ERMP1: variants seen among roughly 807,000 people sequenced by gnomAD.
The protein encoded by ERMP1 is Felix-ina.
ERMP1 carries 86 observed loss-of-function variants against 92.0 expected under a neutral mutation model. The observed-to-expected ratio is 0.93, with a 90% confidence interval of 0.79 to 1.12. ERMP1 has a LOEUF of 1.12. ERMP1 is among the 50% of genes most tolerant of loss of function. The pLI, the probability that ERMP1 is intolerant of heterozygous loss-of-function variation, is 0.00. For synonymous variants in ERMP1, 530 were observed against 412.8 expected, an observed-to-expected ratio of 1.28 and a Z score of -3.44; for missense variants, 1,342 against 1,116.3, an observed-to-expected ratio of 1.20 and a Z score of -2.88.
chr9:5,821,423 G>C (rs997606162), intron 4 of ERMP1, among the ~76,000 whole-genome samples: 3 of 152,074 alleles, frequency 2.0e-5, no homozygotes, highest in African/African-American at 7.2e-5. Context: ...ATTATTTTTA[G>C]AATTTATGCA....
chr9:5,833,094 G>T lies in ERMP1; in HGVS notation c.-67C>A, dbSNP rs747248423. The T allele has an allele frequency of 4.5e-6, 6 of 1,321,586 alleles. No individual in the cohort carries two copies. In the East Asian group the frequency reaches 1.5e-4, roughly 33 times the overall value. The allele number at this position is 1,321,586 out of a possible 1,614,324, so 81.9% of individuals were successfully genotyped here. ...GACAGCCCCGGCCGCCGCCGACGCC[G>T]CCGTCGCTGCCGCAGCGCCTCCTAG... On this transcript the variant is annotated 5_prime_UTR_variant, in exon 1 of 15. Transcript: ENST00000339450.
intron 2 of ERMP1, among the ~76,000 whole-genome samples, chr9:5,829,018 CG>C (rs1208665320): frequency 6.6e-6 from 1 of 151,822 alleles, no homozygotes; most frequent in African/African-American, 2.4e-5. Context: ...CTGAGGTAGG[CG>C]GATCACTTGA....
chr9:5,797,923 C>G lies in ERMP1; in HGVS notation c.2280G>C (p.Trp760Cys), dbSNP rs146300402. 2 of 1,604,750 alleles carry G rather than the reference C, an allele frequency of 1.2e-6. No homozygotes were observed. Among genetic ancestry groups the G allele is most frequent in the Non-Finnish European group, 1.7e-6 (2 of 1,172,788 alleles). ...LPVHFLIRKN[W>C]YLPAPEVSPR... ...GAGAAACTTCTGGGGCAGGAAGATA[C>G]CAGTTTTTCCTATTTAGAAAGGAAG... Residue 760 changes from tryptophan to cysteine, a missense_variant, in exon 13 of 15, where the codon TGG becomes TGC. Coordinates refer to ENST00000339450, the MANE Select transcript of ERMP1 (RefSeq NM_024896.3).
Position 5,805,013 on chromosome 9 carries a change from T to G in ERMP1, c.1914+14A>C, listed in dbSNP as rs1354305223. On this transcript the variant is annotated intron_variant, in intron 10 of 14. Coordinates refer to ENST00000339450, the MANE Select transcript of ERMP1 (RefSeq NM_024896.3). ...AAAAAATGAAGAAAAAGAAAAAAAC[T>G]TATTTTCTCTTACAAAATAGGACGA... is the stretch of plus-strand genomic sequence containing the variant. 3.8e-6 allele frequency: 6 copies of G among 1,579,878 alleles called. No homozygotes were observed. The highest frequency in any genetic ancestry group is 5.1e-6 in the Non-Finnish European group (6 of 1,166,992).
At chr9:5,824,960 T>C (rs899075536) in intron 3 of ERMP1, 132 bp downstream of exon 3, 1 of 837,202 alleles carries the variant, frequency 1.2e-6, no homozygotes, top group Non-Finnish European at 1.8e-6. Flanking sequence ...CATAAAGTAT[T>C]TTTCTGCATA....
At position 5,787,043 on chromosome 9, in the gene ERMP1, T is replaced by C. The variant is rs1028650448; in HGVS notation, c.*101A>G. 1.7e-6 allele frequency: 2 copies of C among 1,210,382 alleles called. No homozygotes were observed. 75.0% of individuals were successfully genotyped at this position (1,210,382 alleles called of 1,614,324 possible). ...GAAAGCTCTTTGAACATATGATCAT[T>C]AAAATTCATTGACTTACGTTACAAA... On this transcript the variant is annotated 3_prime_UTR_variant, in exon 15 of 15. Coordinates refer to ENST00000339450, the MANE Select transcript of ERMP1 (RefSeq NM_024896.3).
intron 5 of ERMP1, among the ~76,000 whole-genome samples, chr9:5,861,314 T>C (rs1316484519): frequency 1.3e-5 from 2 of 151,908 alleles, no homozygotes; most frequent in African/African-American, 4.8e-5. Flanking sequence ...GCCTTAGCTG[T>C]GCTGAATTTG....
rs33978241 is a variant in ERMP1, at chr9:5,852,252, G to GTT, written n.3199+7214_3199+7215dup. Among the ~76,000 whole-genome samples the GTT allele has an allele frequency of 4.5e-3, 674 of 149,358 alleles. 2 individuals are homozygous for GTT. Among genetic ancestry groups the GTT allele is most frequent in the African/African-American group, 0.011 (453 of 40,568 alleles). Reference sequence around the variant, plus strand: ...TTCTGGCACAGGTAAGCAGCAGAGTGTTTTTTTTTGTTTTTTTGTTTTTTT... The same window carrying GTT: ...TTCTGGCACAGGTAAGCAGCAGAGTGTTTTTTTTTTTGTTTTTTTGTTTTTTT... On this transcript the variant is annotated intron_variant and non_coding_transcript_variant, in intron 6 of 6. Coordinates refer to the ERMP1 transcript ENST00000690753.
intron 4 of ERMP1, among the ~76,000 whole-genome samples, chr9:5,821,550 T>C (rs531002865): frequency 4.4e-4 from 67 of 152,324 alleles, no homozygotes; most frequent in African/African-American, 1.6e-3. Context: ...TGTTAGTCAG[T>C]CTGGACCTGA....
intron 6 of ERMP1, among the ~76,000 whole-genome samples, chr9:5,849,981 C>A (rs1830287314): frequency 6.6e-6 from 1 of 152,156 alleles, no homozygotes. Context: ...TTGTGGATTT[C>A]AATCGTGGCC....
chr9:5,836,047 G>A (rs866163646), upstream of ERMP1, among the ~76,000 whole-genome samples: 12 of 152,302 alleles, frequency 7.9e-5, no homozygotes, highest in Admixed American at 2.6e-4. Flanking sequence ...TTGGCAGGCA[G>A]TTATGCTTGT....
intron 6 of ERMP1, chr9:5,856,163 G>C (rs975589179): frequency 3.3e-6 from 1 of 304,898 alleles, no homozygotes; most frequent in African/African-American, 2.3e-5. Flanking sequence ...TCAGGGCATT[G>C]GTTTGTCCTA....
chr9:5,802,613 T>C (rs1252322130), intron 10 of ERMP1, among the ~76,000 whole-genome samples: 2 of 152,224 alleles, frequency 1.3e-5, no homozygotes, highest in Non-Finnish European at 2.9e-5. Flanking sequence ...CTTGAACTGC[T>C]GACCTTAAGT....
At chr9:5,835,356 G>A (rs1306458019), upstream of ERMP1, among the ~76,000 whole-genome samples, 1 of 151,574 alleles carries the variant, frequency 6.6e-6, no homozygotes, top group African/African-American at 2.4e-5. Flanking sequence ...ATGAACGCGC[G>A]CGCGCATGTG....
chr9:5,866,144 A>T (rs1300545919), intron 5 of ERMP1, among the ~76,000 whole-genome samples: 1 of 152,224 alleles, frequency 6.6e-6, no homozygotes, highest in Admixed American at 6.5e-5. Context: ...TATTACACAT[A>T]ATACACTTCC....
At chr9:5,851,221 G>C (rs1830304087) in intron 6 of ERMP1, among the ~76,000 whole-genome samples, 2 of 152,212 alleles carry the variant, frequency 1.3e-5, no homozygotes, top group African/African-American at 4.8e-5. Context: ...GAAGCTCAGA[G>C]CCAAATCTGA....
At chr9:5,829,484 T>C (rs978288946) in intron 2 of ERMP1, among the ~76,000 whole-genome samples, 2 of 152,194 alleles carry the variant, frequency 1.3e-5, no homozygotes, top group African/African-American at 4.8e-5. Flanking sequence ...TAATATTACA[T>C]AAGAGTTAAT....
At position 5,823,910 on chromosome 9, in the gene ERMP1, A is replaced by G; in HGVS notation, c.860T>C (p.Leu287Pro). The change falls in exon 4 of 15, where the codon CTT becomes CCT. Residue 287 changes from leucine (L) to proline (P), a missense_variant. Physicochemically the swap from Leu to Pro is moderately conservative, Grantham distance 98. Transcript: ENST00000339450. ...LEAAGVGGKELVFQTGPENPW... is the reference protein window; with the variant it reads ...LEAAGVGGKEPVFQTGPENPW... ...ATCTCACATACCTGTTTGGAATACA[A>G]GTTCTTTCCCTCCTACACCTGCTGC... The G allele has an allele frequency of 6.2e-7, 1 of 1,611,504 alleles. No homozygotes were observed. Among genetic ancestry groups the G allele is most frequent in the South Asian group, 1.1e-5 (1 of 90,966 alleles).
chr9:5,849,689 A>G (rs1351740764), intron 6 of ERMP1, among the ~76,000 whole-genome samples: 2 of 152,248 alleles, frequency 1.3e-5, no homozygotes, highest in Non-Finnish European at 2.9e-5. Context: ...CCATGCTGTT[A>G]TAACAAGTTT....
Sources: gnomAD v4.1 joint callset for allele counts (sites outside exome capture counted in the v4.1 genomes callset) on GRCh38, gnomAD v4.1.1 for gene constraint, MANE v1.5 for transcripts, NCBI Gene and HGNC (gene_info 2026-07-23, HGNC 2026-07-21) for gene names.